RORA: variants seen among roughly 807,000 people sequenced by gnomAD.
The protein encoded by RORA is nuclear receptor ROR-alpha.
Under a neutral mutation model 69.5 loss-of-function variants are expected in RORA, and 7 were observed. The ratio of observed to expected loss-of-function variants is 0.10; its 90% CI spans 0.06 to 0.19. RORA has a LOEUF of 0.19. Ranked by LOEUF, RORA falls within the 10% of genes least tolerant of loss-of-function variation. The probability of loss-of-function intolerance (pLI) is 1.00; values close to 1 mark genes in which losing one functional copy is unlikely to be tolerated. For missense variants in RORA, 457 were observed against 663.0 expected (o/e 0.69, Z 3.41); for synonymous variants, 261 against 240.8 (o/e 1.08, Z -0.78).
intron 1 of RORA, among the ~76,000 whole-genome samples, chr15:60,974,068 T>C (rs1893805502): frequency 6.6e-6 from 1 of 152,188 alleles, no homozygotes; most frequent in Admixed American, 6.5e-5. Context: ...GCTCCTTGAA[T>C]CCCGGGGGTA....
At chr15:61,086,698 T>C (rs560826541) in intron 1 of RORA, among the ~76,000 whole-genome samples, 7 of 152,296 alleles carry the variant, frequency 4.6e-5, no homozygotes, top group African/African-American at 9.6e-5. Context: ...TTTTTTTTTT[T>C]TCTCTAAATT....
intron 1 of RORA, among the ~76,000 whole-genome samples, chr15:61,071,502 AGG>A (rs1294538919): frequency 7.5e-5 from 1 of 13,286 alleles, no homozygotes; most frequent in African/African-American, 4.0e-4. Context: ...AGGGGAAGGG[AGG>A]AGAGAGGGGA....
At chr15:60,513,387 A>G (rs2065766792) in intron 4 of RORA, among the ~76,000 whole-genome samples, 1 of 152,250 alleles carries the variant, frequency 6.6e-6, no homozygotes, top group African/African-American at 2.4e-5. Context: ...AGGACACTCA[A>G]GGGGCCTAAT....
intron 1 of RORA, among the ~76,000 whole-genome samples, chr15:60,845,388 C>T (rs1006591603): frequency 2.0e-5 from 3 of 152,212 alleles, no homozygotes; most frequent in Non-Finnish European, 2.9e-5. Context: ...GCTAATGCCT[C>T]GTCCCTATTT....
At chr15:60,636,455 C>A (rs1333618921) in intron 2 of RORA, among the ~76,000 whole-genome samples, 2 of 152,100 alleles carry the variant, frequency 1.3e-5, no homozygotes, top group Non-Finnish European at 2.9e-5. Flanking sequence ...TCCCCGCCCC[C>A]CAAAATCATC....
intron 1 of RORA, among the ~76,000 whole-genome samples, chr15:60,996,413 T>C (rs981279804): frequency 1.3e-5 from 2 of 152,192 alleles, no homozygotes; most frequent in Admixed American, 6.5e-5. Flanking sequence ...GTATATACGA[T>C]TGTCAAAACT....
intron 2 of RORA, among the ~76,000 whole-genome samples, chr15:60,542,687 CCA>C (rs1289997139): frequency 7.5e-6 from 1 of 133,924 alleles, no homozygotes; most frequent in African/African-American, 3.3e-5. Flanking sequence ...GGCACACCTC[CCA>C]CACACGGCAC....
chr15:60,529,527 T>C (rs987569677), intron 3 of RORA: 1 of 152,192 alleles, frequency 6.6e-6, no homozygotes, highest in Non-Finnish European at 1.5e-5. Context: ...ATTTTGTGGT[T>C]TTCATTGGAT....
chr15:60,511,454 C>T lies in RORA; in HGVS notation c.592G>A (p.Asp198Asn), dbSNP rs1044633589. ...ISANGLTELHDDLSNYIDGHT... is the reference protein window; with the variant it reads ...ISANGLTELHNDLSNYIDGHT... ...CCGTCAATGTAGTTACTGAGGTCGT[C>T]GTGAAGTTCCGTCAGCCCGTTGGCC... The change falls in exon 5 of 11, where the codon GAC becomes AAC. Residue 198 changes from aspartate (D) to asparagine (N), a missense_variant. Transcript: ENST00000335670. This position sits in a 1 kb window ranked among gnomAD's most constrained non-coding sequence, Gnocchi z 6.4. 6 of 1,614,010 alleles carry T rather than the reference C, an allele frequency of 3.7e-6. No individual in the cohort carries two copies. In the East Asian group the frequency reaches 6.7e-5, roughly 18 times the overall value.
chr15:61,150,875 G>A (rs779234967), intron 1 of RORA, among the ~76,000 whole-genome samples: 1 of 152,136 alleles, frequency 6.6e-6, no homozygotes, highest in Non-Finnish European at 1.5e-5. Context: ...ATTACATTGT[G>A]TCAGCTGCCC....
At chr15:60,899,135 G>A (rs761211453) in intron 1 of RORA, among the ~76,000 whole-genome samples, 2 of 152,214 alleles carry the variant, frequency 1.3e-5, no homozygotes, top group Non-Finnish European at 1.5e-5. Context: ...ATCCTTGACA[G>A]GGCAGCCAAT....
chr15:60,853,410 C>T (rs1027475917), intron 1 of RORA, among the ~76,000 whole-genome samples: 2 of 152,166 alleles, frequency 1.3e-5, no homozygotes, highest in Non-Finnish European at 2.9e-5. Context: ...CCTTTTCCGC[C>T]ATCTCTCTTG....
At chr15:60,956,536 G>C (rs1893272946) in intron 1 of RORA, among the ~76,000 whole-genome samples, 3 of 152,180 alleles carry the variant, frequency 2.0e-5, no homozygotes, top group Admixed American at 2.0e-4. Flanking sequence ...AAACCACCCA[G>C]GTTCAAACCA....
intron 2 of RORA, among the ~76,000 whole-genome samples, chr15:60,673,544 A>T (rs1398012903): frequency 2.0e-5 from 3 of 152,192 alleles, no homozygotes; most frequent in Non-Finnish European, 4.4e-5. Context: ...CCCAGGGTTA[A>T]ATTTTTGCCT....
intron 1 of RORA, among the ~76,000 whole-genome samples, chr15:60,994,898 T>C (rs967072753): frequency 2.9e-4 from 44 of 152,092 alleles, no homozygotes; most frequent in African/African-American, 8.2e-4. Flanking sequence ...GGATATTCTA[T>C]TGGGGCATTG....
At chr15:61,166,943 G>A (rs953934178) in intron 1 of RORA, among the ~76,000 whole-genome samples, 2 of 152,072 alleles carry the variant, frequency 1.3e-5, no homozygotes, top group African/African-American at 4.8e-5. Flanking sequence ...AATTATCTGA[G>A]CCCAGCTATG....
At chr15:60,584,882 A>G (rs2140496394) in intron 2 of RORA, among the ~76,000 whole-genome samples, 1 of 152,358 alleles carries the variant, frequency 6.6e-6, no homozygotes, top group South Asian at 2.1e-4. Flanking sequence ...ACTTAACCAC[A>G]AGTCTTCACT....
At chr15:61,162,573 C>T (rs745699629) in intron 1 of RORA, among the ~76,000 whole-genome samples, 7 of 152,232 alleles carry the variant, frequency 4.6e-5, no homozygotes, top group South Asian at 2.1e-4. Context: ...TCTTTTAGCC[C>T]TGACATTTAA....
chr15:60,656,121 C>T (rs1351523242), intron 2 of RORA, among the ~76,000 whole-genome samples: 1 of 152,154 alleles, frequency 6.6e-6, no homozygotes, highest in African/African-American at 2.4e-5. Flanking sequence ...TCCCCCAAGT[C>T]AACATCTGAT....
Sources: gnomAD v4.1 joint callset for allele counts (sites outside exome capture counted in the v4.1 genomes callset) on GRCh38, gnomAD v4.1.1 for gene constraint, Gnocchi (gnomAD v3.1) non-coding constraint, MANE v1.5 for transcripts, NCBI Gene and HGNC (gene_info 2026-07-23, HGNC 2026-07-21) for gene names.